The following DDX19B variants were observed in gnomAD, a reference collection of about 807,000 sequenced individuals.
DDX19B encodes ATP-dependent RNA helicase DDX19B.
A neutral mutation model predicts 58.1 loss-of-function variants in DDX19B; 27 were observed. That is an observed-to-expected ratio of 0.46 (90% CI 0.34 to 0.64). The LOEUF is 0.64. Among genes scored for constraint, DDX19B ranks in the 30% least tolerant of loss-of-function variants. The pLI is 0.01. For synonymous variants in DDX19B, 187 were observed against 214.4 expected (o/e 0.87, Z 1.12); for missense variants, 399 against 596.5 (o/e 0.67, Z 3.45).
At chr16:70,295,719 G>C (rs1021983131), upstream of DDX19B, among the ~76,000 whole-genome samples, 2 of 152,028 alleles carry the variant, frequency 1.3e-5, no homozygotes, top group South Asian at 4.1e-4. Context: ...GAAACATGGA[G>C]CCAAGCACAG....
chr16:70,290,091 A>AAC (rs1567616394), upstream of DDX19B: 1 of 278,132 alleles, frequency 3.6e-6, no homozygotes, highest in Admixed American at 4.7e-5. Flanking sequence ...GAGGAGGGTG[A>AAC]ATATATATAT....
intron 4 of DDX19B, among the ~76,000 whole-genome samples, chr16:70,316,633 T>C (rs1426501840): frequency 6.6e-6 from 1 of 152,078 alleles, no homozygotes; most frequent in Non-Finnish European, 1.5e-5. Flanking sequence ...CTGGGCAACA[T>C]AGCGAGACCA....
upstream of DDX19B, among the ~76,000 whole-genome samples, chr16:70,295,231 C>T (rs1044153983): frequency 2.6e-5 from 4 of 152,094 alleles, no homozygotes; most frequent in African/African-American, 7.2e-5. Context: ...TCTCACAAAG[C>T]GCAGGTGTAT....
intron 3 of DDX19B, 114 bp from the exon 4 acceptor site, chr16:70,315,855 A>C: frequency 2.2e-6 from 3 of 1,364,912 alleles, no homozygotes; most frequent in Non-Finnish European, 2.0e-6. Flanking sequence ...ACGTACCTTG[A>C]ATTTGAATGT....
chr16:70,324,222 C>G (rs1020989975), intron 5 of DDX19B, among the ~76,000 whole-genome samples: 1 of 151,842 alleles, frequency 6.6e-6, no homozygotes. Flanking sequence ...AGTAGGCCAA[C>G]TGCAGTGACT....
chr16:70,319,660 G>A (rs1962656708), intron 5 of DDX19B: 1 of 151,784 alleles, frequency 6.6e-6, no homozygotes, highest in Non-Finnish European at 1.5e-5. Flanking sequence ...AGAGGCCGAG[G>A]CAGGCAGATC....
chr16:70,294,884 G>A (rs1177257093), upstream of DDX19B: 2 of 1,527,162 alleles, frequency 1.3e-6, no homozygotes, highest in African/African-American at 1.4e-5. Context: ...ATCGCGCCCT[G>A]CGGCGGTTTC....
At chr16:70,296,532 A>G (rs1961230437), upstream of DDX19B, among the ~76,000 whole-genome samples, 1 of 152,076 alleles carries the variant, frequency 6.6e-6, no homozygotes, top group African/African-American at 2.4e-5. Flanking sequence ...TGAACCTACT[A>G]TATACGGTCC....
At chr16:70,325,427 T>C (rs1963088564) in intron 6 of DDX19B, 147 bp from the exon 7 acceptor site, 2 of 614,274 alleles carry the variant, frequency 3.3e-6, no homozygotes, top group Admixed American at 3.1e-5. Context: ...TATGACTCTG[T>C]AGCTTAAAGA....
intron 7 of DDX19B, 62 bp from the exon 8 acceptor site, chr16:70,329,222 CAAAAAAAA>C (rs531084597): frequency 8.7e-6 from 11 of 1,258,126 alleles, no homozygotes; most frequent in South Asian, 2.9e-5. Context: ...GACTCTGTCT[CAAAAAAAA>C]AAAAAAAAAA....
At chr16:70,321,176 G>T (rs1364348096) in intron 5 of DDX19B, among the ~76,000 whole-genome samples, 1 of 151,610 alleles carries the variant, frequency 6.6e-6, no homozygotes, top group Non-Finnish European at 1.5e-5. Flanking sequence ...TAATCAGGCT[G>T]GTCTCGAACT....
In DDX19B at chr16:70,313,779, T is replaced by C. The variant is rs538396721; in HGVS notation, c.106+1122T>C. The stretch of plus-strand genomic sequence containing the variant: ...CTTAAATCTTTTTTGTATGATTTTA[T>C]ATAACCACAGTATCATTCGACTATA... On this transcript the variant is annotated intron_variant, in intron 2 of 11. Transcript: ENST00000288071. Among the ~76,000 whole-genome samples, 28 of 152,332 alleles carry C rather than the reference T, an allele frequency of 1.8e-4. No individual in the cohort carries two copies. In the East Asian group the frequency reaches 4.8e-3, roughly 26 times the overall value.
upstream of DDX19B, chr16:70,298,993 C>T: frequency 4.3e-6 from 2 of 463,726 alleles, no homozygotes; most frequent in Non-Finnish European, 6.9e-6. Flanking sequence ...TGATTTTGTT[C>T]TTTGGTTGGA....
chr16:70,329,669 C>T (rs556019082), intron 8 of DDX19B, among the ~76,000 whole-genome samples, 162 bp from the exon 9 acceptor site: 2 of 152,234 alleles, frequency 1.3e-5, no homozygotes, highest in African/African-American at 2.4e-5. Context: ...TAGGGACTCT[C>T]CCCCAACCCC....
At chr16:70,329,612 T>G in intron 8 of DDX19B, 143 bp downstream of exon 8, 1 of 1,368,120 alleles carries the variant, frequency 7.3e-7, no homozygotes, top group Non-Finnish European at 1.0e-6. Flanking sequence ...CACTTCCGTG[T>G]CAGCGCTGGC....
Position 70,334,077 on chromosome 16 carries a change from TG to T in DDX19B, c.*496del. 1.1e-5 allele frequency: 2 copies of T among 176,386 alleles called. No homozygotes were observed. Among genetic ancestry groups the T allele is most frequent in the Non-Finnish European group, 2.4e-5 (2 of 83,182 alleles). The allele number at this position is 176,386 out of a possible 1,614,324, so 10.9% of individuals were successfully genotyped here. ...ATGGCATGAGGCAGCAGAGGAGGCCTGAGAGCTGCTGCTTTGGACTTGGGGG... is the reference window on the plus strand; with the variant it reads ...ATGGCATGAGGCAGCAGAGGAGGCCTAGAGCTGCTGCTTTGGACTTGGGGG... On this transcript the variant is annotated 3_prime_UTR_variant, in exon 12 of 12. Coordinates refer to ENST00000288071, the MANE Select transcript of DDX19B (RefSeq NM_007242.7).
upstream of DDX19B, chr16:70,299,180 C>G: frequency 1.4e-6 from 2 of 1,379,820 alleles, no homozygotes; most frequent in Non-Finnish European, 1.9e-6. Flanking sequence ...GCGCCGCTTC[C>G]GGTCTGCAGC....
intron 5 of DDX19B, among the ~76,000 whole-genome samples, chr16:70,323,456 C>T (rs989596008): frequency 1.3e-5 from 2 of 149,930 alleles, no homozygotes; most frequent in Admixed American, 1.3e-4. Flanking sequence ...CTGAGTCTCG[C>T]TCTATCACCC....
Position 70,322,619 on chromosome 16 carries a change from C to T in DDX19B, c.390-1966C>T, listed in dbSNP as rs1174178734. Among the ~76,000 whole-genome samples, 14 of 143,962 alleles carry T rather than the reference C, an allele frequency of 9.7e-5. 1 individual carries two copies. Among genetic ancestry groups the T allele is most frequent in the South Asian group, 2.2e-4 (1 of 4,508 alleles). 94.4% of individuals were successfully genotyped at this position (143,962 alleles called of 152,430 possible). ...AAAAAAAAAAAAAAAAAAGGCCGGG[C>T]GTGGTGGCTCACGACTGTAATCCCA... On this transcript the variant is annotated intron_variant, in intron 5 of 11. Coordinates refer to ENST00000288071, the MANE Select transcript of DDX19B (RefSeq NM_007242.7).
Sources: allele counts gnomAD v4.1 joint callset (sites outside exome capture counted in the v4.1 genomes callset), GRCh38; gene constraint gnomAD v4.1.1; transcripts MANE v1.5; gene names NCBI Gene and HGNC (gene_info 2026-07-23, HGNC 2026-07-21).